CFAP52: variants seen among roughly 807,000 people sequenced by gnomAD.
CFAP52 encodes the protein cilia and flagella associated protein 52, also known as cilia- and flagella-associated protein 52.
Under a neutral mutation model 70.5 loss-of-function variants are expected in CFAP52, and 57 were observed. That is an observed-to-expected ratio of 0.81 (90% confidence interval 0.65 to 1.01). The LOEUF is 1.01. Among genes scored for constraint, CFAP52 ranks in the 50% least tolerant of loss-of-function variants. The pLI, the probability that CFAP52 is intolerant of heterozygous loss-of-function variation, is 0.00. For synonymous variants in CFAP52, 267 were observed against 292.5 expected (o/e 0.91, Z 0.89); for missense variants, 785 against 788.5 (o/e 1.00, Z 0.05).
At chr17:9,585,390 C>T (rs7207303) in intron 1 of CFAP52, among the ~76,000 whole-genome samples, 23,838 of 152,050 alleles carry the variant, frequency 0.16, 2,607 homozygotes, top group African/African-American at 0.3. Context: ...AAGTGTTGGC[C>T]GGGCGCGGTG....
downstream of CFAP52, among the ~76,000 whole-genome samples, chr17:9,643,726 A>C (rs1309302375): frequency 1.3e-5 from 2 of 152,258 alleles, no homozygotes; most frequent in Non-Finnish European, 2.9e-5. Flanking sequence ...TGACTAATGT[A>C]CTAAAGCATC....
intron 11 of CFAP52, among the ~76,000 whole-genome samples, chr17:9,636,683 C>A (rs1910818936): frequency 6.6e-6 from 1 of 152,074 alleles, no homozygotes; most frequent in Non-Finnish European, 1.5e-5. Flanking sequence ...AGGAAGGAGG[C>A]ACGCACGACA....
chr17:9,632,704 G>A (rs527633426), intron 9 of CFAP52, among the ~76,000 whole-genome samples, 184 bp from the exon 10 acceptor site: 1 of 147,722 alleles, frequency 6.8e-6, no homozygotes, highest in Admixed American at 6.6e-5. Context: ...TAGGCAACTG[G>A]ATGGGTGGTG....
intron 6 of CFAP52, among the ~76,000 whole-genome samples, chr17:9,605,384 A>G (rs1362593206): frequency 1.3e-5 from 2 of 152,182 alleles, no homozygotes; most frequent in Non-Finnish European, 1.5e-5. Flanking sequence ...TTCTAACTAT[A>G]TGACATTCTG....
intron 9 of CFAP52, among the ~76,000 whole-genome samples, chr17:9,630,426 A>ATTTTTTTTTTTTTTTT (rs560084144): frequency 1.8e-4 from 23 of 127,806 alleles, no homozygotes; most frequent in African/African-American, 6.7e-4. Context: ...AATTTTTGTA[A>ATTTTTTTTTTTTTTTT]TTTTTTTTTT....
At chr17:9,596,306 G>C (rs1332082653) in intron 4 of CFAP52, among the ~76,000 whole-genome samples, 1 of 151,424 alleles carries the variant, frequency 6.6e-6, no homozygotes, top group African/African-American at 2.4e-5. Flanking sequence ...TCACTGTGTT[G>C]TCCAGGCTGA....
At chr17:9,585,407 A>G (rs374613731) in intron 1 of CFAP52, among the ~76,000 whole-genome samples, 35 of 152,136 alleles carry the variant, frequency 2.3e-4, no homozygotes, top group East Asian at 1.2e-3. Context: ...GGTGGCTCAC[A>G]CCTGTAATCC....
intron 8 of CFAP52, among the ~76,000 whole-genome samples, chr17:9,622,971 G>A (rs894957691): frequency 6.6e-6 from 1 of 152,078 alleles, no homozygotes; most frequent in African/African-American, 2.4e-5. Flanking sequence ...AGCTTTTAAT[G>A]TAGTTAGTGT....
At chr17:9,578,937 C>T (rs1908092385) in intron 1 of CFAP52, among the ~76,000 whole-genome samples, 1 of 152,088 alleles carries the variant, frequency 6.6e-6, no homozygotes, top group South Asian at 2.1e-4. Flanking sequence ...TCTATTTTAA[C>T]ATTAATGCTG....
chr17:9,635,222 A>T (rs960868130), intron 10 of CFAP52, among the ~76,000 whole-genome samples, 183 bp from the exon 11 acceptor site: 1 of 152,186 alleles, frequency 6.6e-6, no homozygotes, highest in Non-Finnish European at 1.5e-5. Flanking sequence ...AGATGATCAC[A>T]TCTTATACAT....
chr17:9,607,052 A>G (rs1296270105), intron 6 of CFAP52, among the ~76,000 whole-genome samples: 1 of 152,236 alleles, frequency 6.6e-6, no homozygotes, highest in Admixed American at 6.5e-5. Flanking sequence ...ATGTTTTAAA[A>G]TCAAATGTTG....
intron 1 of CFAP52, chr17:9,584,333 G>C: frequency 5.4e-6 from 7 of 1,290,456 alleles, no homozygotes; most frequent in Non-Finnish European, 6.1e-6. Flanking sequence ...GTGGAAAGAG[G>C]TGTCACCATG....
Position 9,638,442 on chromosome 17 carries a change from G to A in CFAP52, c.1473-167G>A, listed in dbSNP as rs192777467. On this transcript the variant is annotated intron_variant, in intron 11 of 13. Transcript: ENST00000352665. ...AGTAGAGAGGACAGGGTGACCTGAAGTCTGTTTTGAAGAAATACAAGCACC... is the reference window on the plus strand; with the variant it reads ...AGTAGAGAGGACAGGGTGACCTGAAATCTGTTTTGAAGAAATACAAGCACC... 2.0e-3 allele frequency among the ~76,000 whole-genome samples: 308 copies of A among 152,322 alleles called. 1 individual carries two copies. Among genetic ancestry groups the A allele is most frequent in the Middle Eastern group, 6.8e-3 (2 of 294 alleles).
chr17:9,596,026 C>CATATGTATATGTATGTAGATAT (rs1488208778), intron 4 of CFAP52, among the ~76,000 whole-genome samples: 1 of 115,684 alleles, frequency 8.6e-6, no homozygotes, highest in African/African-American at 3.2e-5. Context: ...TATATAGTTA[C>CATATGTATATGTATGTAGATAT]ATATGTATAT....
At chr17:9,604,862 G>T (rs558146708) in intron 6 of CFAP52, among the ~76,000 whole-genome samples, 72 of 152,154 alleles carry the variant, frequency 4.7e-4, no homozygotes, top group African/African-American at 1.7e-3. Flanking sequence ...TCTTATATCA[G>T]CCGGGAAATG....
intron 4 of CFAP52, among the ~76,000 whole-genome samples, chr17:9,597,824 A>AGAGAGT (rs1909083446): frequency 6.6e-6 from 1 of 150,686 alleles, no homozygotes; most frequent in Non-Finnish European, 1.5e-5. Flanking sequence ...AGAGAGAGAG[A>AGAGAGT]GAGAGAAAGA....
chr17:9,631,303 G>T (rs1910530475), intron 9 of CFAP52, among the ~76,000 whole-genome samples: 1 of 151,850 alleles, frequency 6.6e-6, no homozygotes, highest in Non-Finnish European at 1.5e-5. Flanking sequence ...AACACACTGG[G>T]CATAGATAGA....
At chr17:9,587,489 G>A (rs1908551028) in intron 3 of CFAP52, among the ~76,000 whole-genome samples, 1 of 152,150 alleles carries the variant, frequency 6.6e-6, no homozygotes, top group African/African-American at 2.4e-5. Flanking sequence ...CCCACCAACA[G>A]TACCTAAGCA....
At chr17:9,591,086 G>C (rs1241558797) in intron 3 of CFAP52, among the ~76,000 whole-genome samples, 3 of 118,872 alleles carry the variant, frequency 2.5e-5, no homozygotes, top group Non-Finnish European at 4.8e-5. Flanking sequence ...TTCCCAGGCT[G>C]GAGTGCAACG....
Sources: allele counts gnomAD v4.1 joint callset (sites outside exome capture counted in the v4.1 genomes callset), GRCh38; gene constraint gnomAD v4.1.1; transcripts MANE v1.5; gene names NCBI Gene and HGNC (gene_info 2026-07-23, HGNC 2026-07-21).